The following PTK2B variants were observed in gnomAD, a reference collection of about 807,000 sequenced individuals.
PTK2B encodes protein tyrosine kinase 2 beta, also known as protein-tyrosine kinase 2-beta.
Under a neutral mutation model 142.9 loss-of-function variants are expected in PTK2B, and 71 were observed. That is an observed-to-expected ratio of 0.50 (90% confidence interval 0.41 to 0.61). The LOEUF (loss-of-function observed/expected upper bound fraction) is 0.61. Ranked by LOEUF, PTK2B falls within the 20% of genes least tolerant of loss-of-function variation. The pLI is 0.00. For synonymous variants in PTK2B, 519 were observed against 503.4 expected (o/e 1.03, Z -0.42); for missense variants, 1,105 against 1,320.4 (o/e 0.84, Z 2.53).
intron 1 of PTK2B, among the ~76,000 whole-genome samples, chr8:27,332,221 C>G (rs1037950414): frequency 6.6e-6 from 1 of 151,808 alleles, no homozygotes; most frequent in African/African-American, 2.4e-5. Flanking sequence ...TGTAGATTCT[C>G]TCACCTGTTA....
At chr8:27,313,225 G>GCTTCAC (rs1290519806) in exon 3 of PTK2B, 2 of 152,354 alleles carry the variant, frequency 1.3e-5, no homozygotes, top group South Asian at 2.1e-4. Flanking sequence ...GAGGTGTCTT[G>GCTTCAC]CTTCACCTTC....
intron 3 of PTK2B, among the ~76,000 whole-genome samples, chr8:27,314,320 T>C (rs1803046642): frequency 6.6e-6 from 1 of 152,220 alleles, no homozygotes; most frequent in South Asian, 2.1e-4. Context: ...GTGCCAGTGG[T>C]GGCTCACACC....
Position 27,439,357 on chromosome 8 carries a change from A to G in PTK2B, c.1793A>G (p.Asn598Ser). ...PIKWMSPESI[N>S]FRRFTTASDV... ...AAATGGATGTCCCCAGAGTCCATTA[A>G]CTTCCGACGCTTCACGACAGCCAGT... The change falls in exon 20 of 31, where the codon AAC (asparagine) becomes AGC (serine). Residue 598 changes from asparagine to serine, a missense_variant. Physicochemically the swap from Asn to Ser is conservative, Grantham distance 46 (BLOSUM62 1). Transcript: ENST00000346049. 2 of 1,614,144 alleles carry G rather than the reference A, an allele frequency of 1.2e-6. No individual in the cohort carries two copies. Among genetic ancestry groups the G allele is most frequent in the Non-Finnish European group, 1.7e-6 (2 of 1,179,994 alleles).
rs1811905864 is a variant in PTK2B, at chr8:27,452,894, C to A, written c.2549-220C>A. ...TCCCCCCATCTTGCTGGGACTTTGC[C>A]TTTTTCTTCCTATAAAAGGGACAAC... On this transcript the variant is annotated intron_variant, in intron 27 of 30. Coordinates refer to ENST00000346049, the MANE Select transcript of PTK2B (RefSeq NM_173176.3). The A allele has an allele frequency of 1.5e-5, 9 of 591,168 alleles. No homozygotes were observed. The East Asian group carries it at 2.3e-4, about 15-fold the overall frequency. The allele number at this position is 591,168 out of a possible 1,614,324, so 36.6% of individuals were successfully genotyped here.
intron 1 of PTK2B, among the ~76,000 whole-genome samples, chr8:27,359,176 C>T (rs1239305534): frequency 4.6e-5 from 7 of 152,110 alleles, no homozygotes; most frequent in Non-Finnish European, 7.4e-5. Flanking sequence ...AGTGCAGTGG[C>T]GCGATCTCAG....
chr8:27,380,885 T>A (rs990716006), intron 1 of PTK2B: 2 of 152,120 alleles, frequency 1.3e-5, no homozygotes, highest in African/African-American at 2.4e-5. Flanking sequence ...TCACCTGAGA[T>A]GTTAGGAAGG....
intron 3 of PTK2B, among the ~76,000 whole-genome samples, chr8:27,314,313 C>CCAGT (rs1038912976): frequency 5.8e-4 from 89 of 152,340 alleles, no homozygotes; most frequent in Admixed American, 1.6e-3. Context: ...GGGCCAGGTG[C>CCAGT]CAGTGGTGGC....
At chr8:27,313,211 A>G (rs568813759) in exon 3 of PTK2B, 4 of 152,376 alleles carry the variant, frequency 2.6e-5, no homozygotes, top group East Asian at 3.9e-4. Flanking sequence ...GCAGCCTTGC[A>G]AAGGAGGTGT....
rs73565980 is a variant in PTK2B, at chr8:27,342,819, A to G, written c.-38+17138A>G. Among the ~76,000 whole-genome samples, 836 of 152,234 alleles carry G rather than the reference A, an allele frequency of 5.5e-3. 5 individuals carry two copies. The highest frequency in any genetic ancestry group is 0.019 in the African/African-American group (781 of 41,532). Reference sequence around the variant, plus strand: ...CTGAGGATGGAGTCCTGGCTCCTTTATCCCCCCTCAGTGGGTCACATAGAA... The same window carrying G: ...CTGAGGATGGAGTCCTGGCTCCTTTGTCCCCCCTCAGTGGGTCACATAGAA... On this transcript the variant is annotated intron_variant, in intron 1 of 30. Transcript: ENST00000346049.
At chr8:27,328,783 T>C (rs1803565049) in intron 1 of PTK2B, among the ~76,000 whole-genome samples, 1 of 152,144 alleles carries the variant, frequency 6.6e-6, no homozygotes, top group South Asian at 2.1e-4. Flanking sequence ...GCATTCCACA[T>C]TGAGTGAACC....
chr8:27,410,586 A>G (rs1361882219), intron 2 of PTK2B, among the ~76,000 whole-genome samples: 1 of 152,258 alleles, frequency 6.6e-6, no homozygotes, highest in Non-Finnish European at 1.5e-5. Flanking sequence ...GAAAAAAGCC[A>G]AAAAGATTAG....
At chr8:27,396,180 G>A (rs938187680) in intron 1 of PTK2B, 9 of 152,078 alleles carry the variant, frequency 5.9e-5, no homozygotes, top group Non-Finnish European at 2.9e-5. Context: ...TTGCATCTTC[G>A]TAATACATAT....
chr8:27,379,897 T>A lies in PTK2B; in HGVS notation c.-37-17651T>A, dbSNP rs1178496631. Among the ~76,000 whole-genome samples the A allele has an allele frequency of 2.0e-5, 3 of 152,136 alleles. No homozygotes were observed. The East Asian group carries it at 5.8e-4, about 29-fold the overall frequency. On this transcript the variant is annotated intron_variant, in intron 1 of 30. Transcript: ENST00000346049. The stretch of plus-strand genomic sequence containing the variant: ...CTGGGATTATAGGCTCCCGTCACCA[T>A]GCCCAGCTAATTTTTTTGTATTTTA...
At chr8:27,409,471 GT>G (rs1808922312) in intron 2 of PTK2B, among the ~76,000 whole-genome samples, 2 of 152,168 alleles carry the variant, frequency 1.3e-5, no homozygotes, top group Admixed American at 1.3e-4. Flanking sequence ...AGAGCATGCT[GT>G]GTTGGGGGCG....
At chr8:27,428,743 T>G (rs536869571) in intron 5 of PTK2B, among the ~76,000 whole-genome samples, 3 of 152,190 alleles carry the variant, frequency 2.0e-5, no homozygotes, top group South Asian at 2.1e-4. Context: ...CATTGCCCAG[T>G]GTTTCAGGCT....
At chr8:27,315,958 G>T (rs181509186) in intron 3 of PTK2B, among the ~76,000 whole-genome samples, 1 of 152,256 alleles carries the variant, frequency 6.6e-6, no homozygotes, top group East Asian at 1.9e-4. Context: ...GGGTAAGGGT[G>T]ACTAAGACTT....
At chr8:27,311,774 T>A (rs2130376176) in intron 1 of PTK2B, 1 of 153,470 alleles carries the variant, frequency 6.5e-6, no homozygotes, top group East Asian at 1.9e-4. Flanking sequence ...CTTGCATTAG[T>A]CGTTTACTTA....
chr8:27,367,121 T>A (rs927458968), intron 1 of PTK2B, among the ~76,000 whole-genome samples: 6 of 152,190 alleles, frequency 3.9e-5, no homozygotes, highest in Non-Finnish European at 8.8e-5. Flanking sequence ...ATTATGATGT[T>A]GTTTAAATGT....
intron 29 of PTK2B, 32 bp from the exon 30 acceptor site, chr8:27,454,499 G>A (rs765926816): frequency 1.9e-6 from 3 of 1,605,150 alleles, no homozygotes; most frequent in Middle Eastern, 1.7e-4. Context: ...ATAGCTAGGA[G>A]TGGCGGCCAT....
Sources: allele counts gnomAD v4.1 joint callset (sites outside exome capture counted in the v4.1 genomes callset), GRCh38; gene constraint gnomAD v4.1.1; transcripts MANE v1.5; gene names NCBI Gene and HGNC (gene_info 2026-07-23, HGNC 2026-07-21).